The following ADAMTS3 variants were observed in gnomAD, a reference collection of about 807,000 sequenced individuals.
The protein encoded by ADAMTS3 is A disintegrin and metalloproteinase with thrombospondin motifs 3.
In ADAMTS3, 73 loss-of-function variants were observed where a neutral mutation model predicts 129.0. That is an observed-to-expected ratio of 0.57 (90% CI 0.47 to 0.69). ADAMTS3 has a LOEUF of 0.69. Ranked by LOEUF, ADAMTS3 falls within the 30% of genes least tolerant of loss-of-function variation. ADAMTS3 has a pLI of 0.00. For synonymous variants in ADAMTS3, 477 were observed against 510.8 expected (o/e 0.93, Z 0.89); for missense variants, 1,457 against 1,514.5 (o/e 0.96, Z 0.63).
At position 72,283,232 on chromosome 4, in the gene ADAMTS3, A is replaced by G. The variant is rs751444209; in HGVS notation, c.3522T>C (p.Asp1174=). ...MAAASFFAAS[D]SIGASSQART... ...TTGCCTGAGAAGAAGCACCTATTGA[A>G]TCACTGGCTGCAAAGAAGGAAGCAG... The change falls in exon 22 of 22, where the codon GAT becomes GAC. Residue 1174 remains aspartate (D), a synonymous_variant. Coordinates refer to ENST00000286657, the MANE Select transcript of ADAMTS3 (RefSeq NM_014243.3). 6.2e-7 allele frequency: 1 copy of G among 1,613,892 alleles called. No individual in the cohort carries two copies. The highest frequency in any genetic ancestry group is 8.5e-7 in the Non-Finnish European group (1 of 1,179,938).
intron 17 of ADAMTS3, among the ~76,000 whole-genome samples, chr4:72,298,981 AT>A (rs1718882655): frequency 6.6e-6 from 1 of 151,778 alleles, no homozygotes; most frequent in African/African-American, 2.4e-5. Context: ...AAAACGAAAA[AT>A]CATAATTCTA....
chr4:72,376,246 G>C (rs1169600216), intron 4 of ADAMTS3, among the ~76,000 whole-genome samples: 2 of 152,090 alleles, frequency 1.3e-5, no homozygotes, highest in Non-Finnish European at 2.9e-5. Context: ...CTTAAGGCTG[G>C]GAGAGCCCAA....
At chr4:72,292,369 A>G (rs1718696162) in intron 19 of ADAMTS3, among the ~76,000 whole-genome samples, 1 of 152,212 alleles carries the variant, frequency 6.6e-6, no homozygotes, top group African/African-American at 2.4e-5. Flanking sequence ...TGTTGCTATG[A>G]AGGCTACTTG....
rs184479006 is a variant in ADAMTS3 at position 72,482,055 on chromosome 4, A to G, written c.504+66423T>C. 1.4e-4 allele frequency among the ~76,000 whole-genome samples: 21 copies of G among 152,252 alleles called. No individual in the cohort carries two copies. In the East Asian group the frequency reaches 3.5e-3, roughly 25 times the overall value. On this transcript the variant is annotated intron_variant, in intron 3 of 21. Transcript: ENST00000286657. ...GGAACATTCATACGTTGCTGGTGGG[A>G]ATGTAAAATGTTACAACCACTCTGC...
chr4:72,520,269 A>T (rs1219597666), intron 3 of ADAMTS3, among the ~76,000 whole-genome samples: 1 of 152,170 alleles, frequency 6.6e-6, no homozygotes, highest in Non-Finnish European at 1.5e-5. Flanking sequence ...CCTCCCAGTT[A>T]GGCTGCTCGG....
intron 3 of ADAMTS3, among the ~76,000 whole-genome samples, chr4:72,468,725 A>C (rs1204796469): frequency 6.6e-6 from 1 of 151,648 alleles, no homozygotes; most frequent in Non-Finnish European, 1.5e-5. Flanking sequence ...AGTTAAATTA[A>C]TAATGTCAAA....
intron 5 of ADAMTS3, among the ~76,000 whole-genome samples, chr4:72,337,037 C>T (rs1441285832): frequency 1.3e-5 from 2 of 152,128 alleles, no homozygotes; most frequent in African/African-American, 4.8e-5. Flanking sequence ...AATAATAAAA[C>T]TATTTCATTC....
chr4:72,320,839 G>T lies in ADAMTS3; in HGVS notation c.977C>A (p.Ser326Tyr). 4 of 1,613,930 alleles carry T rather than the reference G, an allele frequency of 2.5e-6. No individual in the cohort carries two copies. In the South Asian group the frequency reaches 4.4e-5, roughly 18 times the overall value. ...SISLIERGNP[S>Y]RSLENVCRWA... ...GCGACACACATTCTCCAAGCTTCTG[G>T]ATGGGTTTCCCCTTTCTATGAGGCT... Residue 326 changes from serine to tyrosine, a missense_variant, in exon 7 of 22, where the codon TCC becomes TAC. Transcript: ENST00000286657.
intron 4 of ADAMTS3, among the ~76,000 whole-genome samples, chr4:72,387,605 T>C (rs1721480455): frequency 2.0e-5 from 3 of 152,184 alleles, no homozygotes; most frequent in Admixed American, 6.5e-5. Flanking sequence ...GGGGCTATCC[T>C]GAGTGAGCCT....
chr4:72,303,801 C>A, intron 17 of ADAMTS3, 116 bp downstream of exon 17: 3 of 1,034,614 alleles, frequency 2.9e-6, no homozygotes, highest in African/African-American at 1.6e-5. Flanking sequence ...TTTTAAAAAG[C>A]AACTCATGTT....
chr4:72,401,479 A>G (rs988953351), intron 4 of ADAMTS3, among the ~76,000 whole-genome samples: 2 of 146,180 alleles, frequency 1.4e-5, no homozygotes, highest in Non-Finnish European at 3.0e-5. Flanking sequence ...AGGTAGGAGA[A>G]TCACTTGAAC....
intron 4 of ADAMTS3, among the ~76,000 whole-genome samples, chr4:72,404,861 A>AC: frequency 6.7e-6 from 1 of 149,070 alleles, no homozygotes; most frequent in African/African-American, 2.5e-5. Flanking sequence ...CACACACACA[A>AC]AACACACAAA....
At chr4:72,544,279 T>C (rs1011111032) in intron 3 of ADAMTS3, among the ~76,000 whole-genome samples, 1 of 152,194 alleles carries the variant, frequency 6.6e-6, no homozygotes, top group Non-Finnish European at 1.5e-5. Flanking sequence ...CAACCCCTTT[T>C]TTTCTTTGCA....
At chr4:72,557,270 G>C (rs911333824) in intron 2 of ADAMTS3, among the ~76,000 whole-genome samples, 2 of 151,806 alleles carry the variant, frequency 1.3e-5, no homozygotes, top group Non-Finnish European at 2.9e-5. Flanking sequence ...AGCTGCTCCA[G>C]GAAAGATGCA....
intron 3 of ADAMTS3, among the ~76,000 whole-genome samples, chr4:72,463,427 C>A (rs774447663): frequency 7.9e-5 from 12 of 151,926 alleles, no homozygotes; most frequent in Non-Finnish European, 1.5e-4. Context: ...GGCATTTGTG[C>A]AAAGCAGAAG....
intron 4 of ADAMTS3, among the ~76,000 whole-genome samples, chr4:72,414,365 T>C (rs1029838117): frequency 2.3e-5 from 3 of 131,762 alleles, no homozygotes; most frequent in African/African-American, 8.0e-5. Context: ...TTTTGCCAAA[T>C]AGATTTTAAA....
chr4:72,371,556 T>A (rs935296190), intron 4 of ADAMTS3, among the ~76,000 whole-genome samples: 5 of 151,664 alleles, frequency 3.3e-5, no homozygotes, highest in African/African-American at 9.7e-5. Context: ...ATATATATAT[T>A]TATAAGATTA....
chr4:72,527,454 C>G, intron 3 of ADAMTS3, among the ~76,000 whole-genome samples: 1 of 152,160 alleles, frequency 6.6e-6, no homozygotes, highest in Non-Finnish European at 1.5e-5. Context: ...CCTGCTTTTG[C>G]TCATTGTTGC....
intron 6 of ADAMTS3, among the ~76,000 whole-genome samples, chr4:72,321,541 T>C (rs2109809664): frequency 6.6e-6 from 1 of 152,268 alleles, no homozygotes; most frequent in South Asian, 2.1e-4. Context: ...ATTTCTGATT[T>C]GGCTTAGATT....
Sources: gnomAD v4.1 joint callset for allele counts (sites outside exome capture counted in the v4.1 genomes callset) on GRCh38, gnomAD v4.1.1 for gene constraint, MANE v1.5 for transcripts, NCBI Gene and HGNC (gene_info 2026-07-23, HGNC 2026-07-21) for gene names.